Variants in PRKG1 observed in about 807,000 individuals in gnomAD.
The protein encoded by PRKG1 is cGMP-dependent protein kinase 1.
A neutral mutation model predicts 88.1 loss-of-function variants in PRKG1; 35 were observed. The observed-to-expected ratio is 0.40, with a 90% CI of 0.30 to 0.53. The LOEUF (loss-of-function observed/expected upper bound fraction) is 0.53, where lower values mean the gene tolerates loss of function less well. Among genes scored for constraint, PRKG1 ranks in the 20% least tolerant of loss-of-function variants. PRKG1 has a pLI of 0.59. For missense variants in PRKG1, 540 were observed against 839.8 expected (o/e 0.64, Z 4.41); for synonymous variants, 303 against 292.5 (o/e 1.04, Z -0.37).
At chr10:51,065,934 GA>G (rs1020380361) in intron 1 of PRKG1, among the ~76,000 whole-genome samples, 26 of 152,068 alleles carry the variant, frequency 1.7e-4, no homozygotes, top group African/African-American at 6.3e-4. Flanking sequence ...ACATTATGGG[GA>G]TGATTCTGAA....
At chr10:51,229,941 A>AAAAAAAAAAAAAAAAAAAAAG (rs1838795392) in intron 2 of PRKG1, among the ~76,000 whole-genome samples, 2 of 135,984 alleles carry the variant, frequency 1.5e-5, no homozygotes, top group African/African-American at 5.5e-5. Context: ...AAAAAAAAAA[A>AAAAAAAAAAAAAAAAAAAAAG]AAAAAAAGAA....
At chr10:51,231,545 A>T (rs1174251383) in intron 2 of PRKG1, among the ~76,000 whole-genome samples, 1 of 152,042 alleles carries the variant, frequency 6.6e-6, no homozygotes, top group African/African-American at 2.4e-5. Context: ...TTTTTCTTGT[A>T]CTTAGGGTGT....
chr10:52,220,722 C>G (rs183998890), intron 9 of PRKG1, among the ~76,000 whole-genome samples: 32 of 152,104 alleles, frequency 2.1e-4, no homozygotes, highest in African/African-American at 7.5e-4. Flanking sequence ...TCCACCTCCA[C>G]CCATGTTCCT....
chr10:51,667,913 C>A (rs1314505862), intron 3 of PRKG1, among the ~76,000 whole-genome samples: 6 of 152,078 alleles, frequency 3.9e-5, no homozygotes, highest in Non-Finnish European at 5.9e-5. Context: ...GACCTGAAGA[C>A]AAAATCTGGC....
intron 5 of PRKG1, among the ~76,000 whole-genome samples, chr10:52,040,497 CAAAT>C (rs1462716212): frequency 1.3e-5 from 2 of 152,136 alleles, no homozygotes; most frequent in Non-Finnish European, 2.9e-5. Context: ...ATTCTGTTGT[CAAAT>C]GAATAGGTCT....
At chr10:51,645,542 C>T (rs1839896487) in intron 3 of PRKG1, among the ~76,000 whole-genome samples, 1 of 152,150 alleles carries the variant, frequency 6.6e-6, no homozygotes, top group Non-Finnish European at 1.5e-5. Context: ...GAATTAGTCA[C>T]CATTTTTCTA....
chr10:51,832,583 A>C (rs1840030071), intron 4 of PRKG1, among the ~76,000 whole-genome samples: 1 of 152,178 alleles, frequency 6.6e-6, no homozygotes, highest in African/African-American at 2.4e-5. Context: ...TAGGTATGAT[A>C]ATTTTAGTTT....
rs113382138 is a variant in PRKG1 at position 51,601,990 on chromosome 10, C to G, written c.592+134154C>G. 1.8e-3 allele frequency among the ~76,000 whole-genome samples: 277 copies of G among 151,884 alleles called. 1 individual carries two copies. Among genetic ancestry groups the G allele is most frequent in the African/African-American group, 6.2e-3 (258 of 41,454 alleles). ...CATTTGTCACAGATTTTTTTAACCT[C>G]TCTTCAGTAATGCAACAAAATGTCT... On this transcript the variant is annotated intron_variant, in intron 3 of 17. Coordinates refer to ENST00000373980, the MANE Select transcript of PRKG1 (RefSeq NM_006258.4).
intron 1 of PRKG1, among the ~76,000 whole-genome samples, chr10:51,099,384 G>GAC (rs71459403): frequency 0.11 from 16,098 of 148,788 alleles, 1,663 homozygotes; most frequent in African/African-American, 0.28. Context: ...CAGCATTCAA[G>GAC]ACACACACAC....
At chr10:51,497,696 A>T (rs1840899894) in intron 3 of PRKG1, among the ~76,000 whole-genome samples, 1 of 152,312 alleles carries the variant, frequency 6.6e-6, no homozygotes, top group South Asian at 2.1e-4. Context: ...AGTCTTGTAA[A>T]GTATCAGTTT....
chr10:51,246,567 G>T (rs1172402621), intron 2 of PRKG1, among the ~76,000 whole-genome samples: 1 of 150,628 alleles, frequency 6.6e-6, no homozygotes, highest in Non-Finnish European at 1.5e-5. Context: ...CCAGCCCTTT[G>T]CAGAATGTTT....
At chr10:51,420,967 C>T (rs1838395316) in intron 2 of PRKG1, among the ~76,000 whole-genome samples, 2 of 152,144 alleles carry the variant, frequency 1.3e-5, no homozygotes, top group Non-Finnish European at 2.9e-5. Context: ...TAGACAGCAT[C>T]AAGCCTTGAG....
At chr10:52,095,135 T>C (rs138769967) in intron 7 of PRKG1, among the ~76,000 whole-genome samples, 256 of 152,294 alleles carry the variant, frequency 1.7e-3, no homozygotes, top group African/African-American at 6.0e-3. Context: ...CTCCCCTCTA[T>C]AGCCACAGTG....
intron 9 of PRKG1, among the ~76,000 whole-genome samples, chr10:52,229,461 G>A (rs567165010): frequency 2.6e-4 from 40 of 152,304 alleles, no homozygotes; most frequent in African/African-American, 8.7e-4. Flanking sequence ...CTTTGAGGAG[G>A]TGAGTCATAC....
At position 51,734,881 on chromosome 10, in the gene PRKG1, T is replaced by C. The variant is rs578017577; in HGVS notation, c.593-69704T>C. 2.0e-5 allele frequency among the ~76,000 whole-genome samples: 3 copies of C among 147,914 alleles called. No individual in the cohort carries two copies. The East Asian group carries it at 5.8e-4, about 29-fold the overall frequency. On this transcript the variant is annotated intron_variant, in intron 3 of 17. Transcript: ENST00000373980. ...AGTAAGCAGCAGCCATGGAAACATA[T>C]AGGCTCATTTAAAAGAATAAGGTCC...
In PRKG1 at chr10:51,652,634, T is replaced by C. The variant is rs568584295; in HGVS notation, c.593-151951T>C. ...TTTATTTTTAATTGACAAATAATTG[T>C]ATATATTTATAGGATACAAAGTAAT... On this transcript the variant is annotated intron_variant, in intron 3 of 17. Coordinates refer to ENST00000373980, the MANE Select transcript of PRKG1 (RefSeq NM_006258.4). Among the ~76,000 whole-genome samples the C allele has an allele frequency of 5.9e-5, 9 of 152,334 alleles. No homozygotes were observed. The East Asian group carries it at 1.7e-3, about 29-fold the overall frequency.
chr10:50,991,451 C>T lies in PRKG1; in HGVS notation c.73C>T (p.Arg25Trp). The T allele has an allele frequency of 1.9e-6, 3 of 1,602,928 alleles. No homozygotes were observed. The highest frequency in any genetic ancestry group is 2.6e-6 in the Non-Finnish European group (3 of 1,175,146). The change falls in exon 1 of 18, where the codon CGG becomes TGG. Residue 25 changes from arginine (R) to tryptophan (W), a missense_variant. Coordinates refer to the PRKG1 transcript ENST00000401604. The surrounding 1 kb of genome is among the most constrained non-coding windows in gnomAD (Gnocchi z 4.5). The stretch of plus-strand genomic sequence containing the variant: ...GGAGAGGATCAAAGAGCTGGAGAAG[C>T]GGCTGTCAGAGAAGGAGGAAGAAAT...
chr10:52,137,418 A>G (rs902325281), intron 8 of PRKG1, among the ~76,000 whole-genome samples: 39 of 152,098 alleles, frequency 2.6e-4, no homozygotes, highest in African/African-American at 8.9e-4. Flanking sequence ...TTAAATATAT[A>G]AAAAACAATT....
chr10:51,749,548 C>T (rs1038611123), intron 3 of PRKG1, among the ~76,000 whole-genome samples: 2 of 152,256 alleles, frequency 1.3e-5, no homozygotes, highest in Middle Eastern at 3.4e-3. Flanking sequence ...AATTACCTCC[C>T]CAAAGCCCTG....
Sources: gnomAD v4.1 joint callset for allele counts (sites outside exome capture counted in the v4.1 genomes callset) on GRCh38, gnomAD v4.1.1 for gene constraint, Gnocchi (gnomAD v3.1) non-coding constraint, MANE v1.5 for transcripts, NCBI Gene and HGNC (gene_info 2026-07-23, HGNC 2026-07-21) for gene names.